Variants in EPHA5 observed in about 807,000 individuals in gnomAD.
EPHA5 encodes ephrin type-A receptor 5.
A neutral mutation model predicts 105.0 loss-of-function variants in EPHA5; 60 were observed. The observed-to-expected ratio is 0.57, with a 90% CI of 0.46 to 0.71. The LOEUF is 0.71. EPHA5 is among the 30% of genes least tolerant of loss of function. The pLI is 0.00. For synonymous variants in EPHA5, 513 were observed against 449.1 expected, an observed-to-expected ratio of 1.14 and a Z score of -1.80; for missense variants, 1,218 against 1,274.7, an observed-to-expected ratio of 0.96 and a Z score of 0.68.
chr4:65,603,585 T>C (rs1400557632), intron 2 of EPHA5, among the ~76,000 whole-genome samples: 1 of 152,110 alleles, frequency 6.6e-6, no homozygotes, highest in Non-Finnish European at 1.5e-5. Context: ...GCACAAAGGA[T>C]GCAAATAAAT....
intron 5 of EPHA5, among the ~76,000 whole-genome samples, chr4:65,420,892 T>C (rs991084167): frequency 2.0e-5 from 3 of 152,068 alleles, no homozygotes; most frequent in African/African-American, 4.8e-5. Context: ...ATTTCTAAAA[T>C]GTATGAGCTC....
At chr4:65,420,707 G>T in intron 5 of EPHA5, 142 bp from the exon 6 acceptor site, 2 of 653,736 alleles carry the variant, frequency 3.1e-6, no homozygotes, top group South Asian at 3.5e-5. Flanking sequence ...TCTATATAAG[G>T]TTTAAAGATT....
intron 8 of EPHA5, among the ~76,000 whole-genome samples, chr4:65,391,319 T>C (rs1261716237): frequency 6.6e-6 from 1 of 152,080 alleles, no homozygotes; most frequent in East Asian, 1.9e-4. Flanking sequence ...ACAAAGTCAG[T>C]CCTTCCAAAT....
At chr4:65,480,520 GC>G (rs1159653532) in intron 5 of EPHA5, among the ~76,000 whole-genome samples, 6 of 152,098 alleles carry the variant, frequency 3.9e-5, no homozygotes, top group African/African-American at 1.4e-4. Context: ...TTGGCTTTCT[GC>G]TGATGAAAGT....
At chr4:65,599,908 C>T (rs1236244126) in intron 3 of EPHA5, among the ~76,000 whole-genome samples, 1 of 152,236 alleles carries the variant, frequency 6.6e-6, no homozygotes, top group Admixed American at 6.5e-5. Context: ...ATGTTTTAAT[C>T]TCATCGACAA....
chr4:65,462,705 A>G (rs967131564), intron 5 of EPHA5, among the ~76,000 whole-genome samples: 41 of 152,208 alleles, frequency 2.7e-4, no homozygotes, highest in African/African-American at 9.6e-4. Flanking sequence ...AGAGGAAGCC[A>G]CAGATCTTTA....
intron 8 of EPHA5, among the ~76,000 whole-genome samples, chr4:65,374,324 C>T (rs941800082): frequency 6.6e-6 from 1 of 151,848 alleles, no homozygotes; most frequent in Non-Finnish European, 1.5e-5. Flanking sequence ...GGAATATTAA[C>T]ATTATGTTTA....
intron 3 of EPHA5, among the ~76,000 whole-genome samples, chr4:65,589,537 T>G (rs1578509809): frequency 6.6e-6 from 1 of 152,288 alleles, no homozygotes; most frequent in East Asian, 1.9e-4. Context: ...GGCAGCAACA[T>G]TCTTGAAAGG....
intron 3 of EPHA5, among the ~76,000 whole-genome samples, chr4:65,568,548 T>C (rs1190517939): frequency 6.6e-6 from 1 of 151,156 alleles, no homozygotes; most frequent in Admixed American, 6.6e-5. Context: ...CATCCCTTTT[T>C]TTTAAACATG....
intron 3 of EPHA5, among the ~76,000 whole-genome samples, chr4:65,576,140 A>G (rs185109890): frequency 0.01 from 1,441 of 138,938 alleles, 10 homozygotes; most frequent in Non-Finnish European, 0.017. Context: ...GAAAAGAAAG[A>G]AAGAAAAAGA....
intron 3 of EPHA5, among the ~76,000 whole-genome samples, chr4:65,552,430 A>G (rs1343531456): frequency 6.6e-6 from 1 of 152,168 alleles, no homozygotes; most frequent in Admixed American, 6.6e-5. Context: ...TCGGAAAATC[A>G]GATAATTTTC....
intron 2 of EPHA5, among the ~76,000 whole-genome samples, chr4:65,609,892 A>T (rs1744605378): frequency 6.6e-6 from 1 of 152,168 alleles, no homozygotes; most frequent in Admixed American, 6.5e-5. Context: ...GCATATATAT[A>T]GACTGATTAT....
At chr4:65,536,515 T>G (rs1183284073) in intron 3 of EPHA5, among the ~76,000 whole-genome samples, 1 of 152,032 alleles carries the variant, frequency 6.6e-6, no homozygotes, top group South Asian at 2.1e-4. Flanking sequence ...CAAATGTTAA[T>G]CCAACAGCTA....
chr4:65,463,400 A>G (rs1315079660), intron 5 of EPHA5, among the ~76,000 whole-genome samples: 3 of 152,194 alleles, frequency 2.0e-5, no homozygotes, highest in Admixed American at 2.0e-4. Context: ...AGTTACTTAA[A>G]ATGTTCCAGT....
chr4:65,588,397 G>A (rs1276808180), intron 3 of EPHA5, among the ~76,000 whole-genome samples: 1 of 152,086 alleles, frequency 6.6e-6, no homozygotes, highest in Non-Finnish European at 1.5e-5. Flanking sequence ...CTAGGAACAA[G>A]CTCCTTTTCT....
chr4:65,415,989 T>G (rs1723347181), intron 6 of EPHA5, among the ~76,000 whole-genome samples: 1 of 152,078 alleles, frequency 6.6e-6, no homozygotes, highest in Non-Finnish European at 1.5e-5. Flanking sequence ...TTTCTCCATA[T>G]TATTGAAAAA....
chr4:65,628,868 C>T (rs1192431803), intron 2 of EPHA5, among the ~76,000 whole-genome samples: 2 of 152,124 alleles, frequency 1.3e-5, no homozygotes, highest in African/African-American at 2.4e-5. Context: ...GCCCAATATA[C>T]AAAACTCTCT....
chr4:65,582,281 C>A lies in EPHA5; in HGVS notation c.910+19360G>T, dbSNP rs190160139. 2.2e-4 allele frequency among the ~76,000 whole-genome samples: 33 copies of A among 151,634 alleles called. No homozygotes were observed. The East Asian group carries it at 5.6e-3, about 26-fold the overall frequency. On this transcript the variant is annotated intron_variant, in intron 3 of 16. Transcript: ENST00000613740. Reference sequence around the variant, plus strand: ...CCACAATTCTATTCTTAGACTGAGACAAGGGAGTAGGTATTTTTAACTATA... The same window carrying A: ...CCACAATTCTATTCTTAGACTGAGAAAAGGGAGTAGGTATTTTTAACTATA...
chr4:65,539,709 C>T (rs986328457), intron 3 of EPHA5, among the ~76,000 whole-genome samples: 1 of 151,560 alleles, frequency 6.6e-6, no homozygotes, highest in Non-Finnish European at 1.5e-5. Context: ...TTCTTAAAAG[C>T]ATACTGTTTT....
Sources: allele counts gnomAD v4.1 joint callset (sites outside exome capture counted in the v4.1 genomes callset), GRCh38; gene constraint gnomAD v4.1.1; transcripts MANE v1.5; gene names NCBI Gene and HGNC (gene_info 2026-07-23, HGNC 2026-07-21).